SYN2: variants seen among roughly 807,000 people sequenced by gnomAD.
SYN2 encodes the protein synapsin-2.
A neutral mutation model predicts 50.9 loss-of-function variants in SYN2; 19 were observed. That is an observed-to-expected ratio of 0.37 (90% CI 0.26 to 0.55). The LOEUF is 0.55. Among genes scored for constraint, SYN2 ranks in the 20% least tolerant of loss-of-function variants. The pLI is 0.81. For missense variants in SYN2, 587 were observed against 576.4 expected, an observed-to-expected ratio of 1.02 and a Z score of -0.19; for synonymous variants, 255 against 224.9, an observed-to-expected ratio of 1.13 and a Z score of -1.20.
chr3:12,026,859 C>G (rs1694271470), intron 1 of SYN2, among the ~76,000 whole-genome samples: 1 of 152,276 alleles, frequency 6.6e-6, no homozygotes, highest in East Asian at 1.9e-4. Context: ...AACTCAGGAC[C>G]CTGATCCACA....
chr3:12,173,687 A>G (rs1697988564), intron 10 of SYN2, among the ~76,000 whole-genome samples: 1 of 152,114 alleles, frequency 6.6e-6, no homozygotes, highest in African/African-American at 2.4e-5. Flanking sequence ...AGGCCGAGGC[A>G]GGTAGATCAC....
At chr3:12,052,863 G>A (rs1419488990) in intron 1 of SYN2, among the ~76,000 whole-genome samples, 2 of 152,306 alleles carry the variant, frequency 1.3e-5, no homozygotes, top group Admixed American at 6.5e-5. Flanking sequence ...TAAGTTAGGA[G>A]ATTTGAACTC....
intron 5 of SYN2, chr3:12,153,765 A>T (rs1318285505): frequency 1.9e-5 from 31 of 1,592,704 alleles, no homozygotes; most frequent in Non-Finnish European, 2.6e-5. Flanking sequence ...TTCTTTTTCC[A>T]TTGCTGCCTT....
In SYN2 at chr3:12,158,710, G is replaced by A. The variant is rs201048395; in HGVS notation, c.775-2836G>A. The A allele has an allele frequency of 1.7e-4, 280 of 1,610,144 alleles. 1 individual carries two copies. Among genetic ancestry groups the A allele is most frequent in the Non-Finnish European group, 2.2e-4 (255 of 1,179,710 alleles). On this transcript the variant is annotated intron_variant, in intron 5 of 12. Transcript: ENST00000621198. ...GCGGACCTCGGACTCACCAAGTGCC[G>A]AGTGGCAGATGTGCTGCTGAGGGTG...
In SYN2 at chr3:12,191,878, A is replaced by C. The variant is rs868505304; in HGVS notation, c.*1253A>C. On this transcript the variant is annotated 3_prime_UTR_variant, in exon 13 of 13. Transcript: ENST00000621198. ...CCACAGATCTCAACGAAGGCATCCT[A>C]AAGAGGCCTGCAATTGAGGGTGGGC... 1.3e-5 allele frequency among the ~76,000 whole-genome samples: 2 copies of C among 152,270 alleles called. No homozygotes were observed. Among genetic ancestry groups the C allele is most frequent in the South Asian group, 2.1e-4 (1 of 4,826 alleles).
At chr3:12,117,704 T>A (rs1423723206) in intron 1 of SYN2, among the ~76,000 whole-genome samples, 1 of 152,186 alleles carries the variant, frequency 6.6e-6, no homozygotes, top group African/African-American at 2.4e-5. Flanking sequence ...GGGGTTGCAG[T>A]TAGAGTTGTC....
At chr3:12,074,882 G>C (rs1267506134) in intron 1 of SYN2, among the ~76,000 whole-genome samples, 1 of 152,076 alleles carries the variant, frequency 6.6e-6, no homozygotes, top group Non-Finnish European at 1.5e-5. Context: ...TTCTCAAGAG[G>C]TGCAGCTTTG....
At chr3:12,163,461 C>A (rs1697706760) in intron 7 of SYN2, among the ~76,000 whole-genome samples, 2 of 151,682 alleles carry the variant, frequency 1.3e-5, no homozygotes, top group East Asian at 3.9e-4. Context: ...TAGGCCCCCT[C>A]CCTGCACTCC....
intron 1 of SYN2, among the ~76,000 whole-genome samples, chr3:12,005,575 A>AT (rs34618576): frequency 3.3e-4 from 45 of 136,386 alleles, no homozygotes; most frequent in African/African-American, 5.4e-4. Flanking sequence ...GACGTGTGGA[A>AT]TTTTTTTTTT....
intron 4 of SYN2, among the ~76,000 whole-genome samples, chr3:12,150,633 C>A (rs957889780): frequency 2.6e-5 from 4 of 152,130 alleles, no homozygotes; most frequent in African/African-American, 9.7e-5. Context: ...AAGTTCAGTC[C>A]CTCGTTAGGT....
At chr3:12,124,651 G>A (rs956735420) in intron 1 of SYN2, among the ~76,000 whole-genome samples, 2 of 152,080 alleles carry the variant, frequency 1.3e-5, no homozygotes, top group Non-Finnish European at 2.9e-5. Flanking sequence ...ATACATGTCA[G>A]AAATATAACA....
intron 11 of SYN2, chr3:12,185,417 C>G: frequency 1.0e-6 from 1 of 985,758 alleles, no homozygotes; most frequent in African/African-American, 1.7e-5. Flanking sequence ...TGGTGTCAGT[C>G]AAGGTCTTTC....
chr3:12,138,570 C>T (rs532550356), intron 1 of SYN2, among the ~76,000 whole-genome samples: 5 of 152,302 alleles, frequency 3.3e-5, no homozygotes, highest in African/African-American at 1.2e-4. Context: ...CTGATTTGGG[C>T]ATGTTATTTA....
chr3:12,008,319 G>A (rs1184093194), intron 1 of SYN2, among the ~76,000 whole-genome samples: 2 of 152,146 alleles, frequency 1.3e-5, no homozygotes, highest in Non-Finnish European at 2.9e-5. Flanking sequence ...TATTTATGAA[G>A]CACCTTCTCT....
intron 1 of SYN2, among the ~76,000 whole-genome samples, chr3:12,107,319 C>G (rs1390289889): frequency 6.6e-6 from 1 of 152,154 alleles, no homozygotes. Flanking sequence ...CTGGGACTAT[C>G]TAATGCTAAT....
intron 12 of SYN2, among the ~76,000 whole-genome samples, chr3:12,190,203 C>T (rs770022368): frequency 6.6e-6 from 1 of 152,188 alleles, no homozygotes; most frequent in Non-Finnish European, 1.5e-5. Context: ...ATTAAAGAAG[C>T]GGCCTTTGAG....
At chr3:12,097,204 A>G (rs1285972160) in intron 1 of SYN2, among the ~76,000 whole-genome samples, 6 of 152,322 alleles carry the variant, frequency 3.9e-5, no homozygotes. Flanking sequence ...ATGCTGCTAT[A>G]AAGACACATG....
At chr3:12,157,238 C>G in intron 5 of SYN2, 1 of 750,358 alleles carries the variant, frequency 1.3e-6, no homozygotes, top group Non-Finnish European at 2.2e-6. Flanking sequence ...TGGGCTCTGC[C>G]TCCAAATCTC....
intron 11 of SYN2, among the ~76,000 whole-genome samples, chr3:12,186,803 A>G (rs1698349724): frequency 6.6e-6 from 1 of 152,172 alleles, no homozygotes; most frequent in South Asian, 2.1e-4. Flanking sequence ...AACTTGCTCA[A>G]CCCTATTATC....
Sources: allele counts gnomAD v4.1 joint callset (sites outside exome capture counted in the v4.1 genomes callset), GRCh38; gene constraint gnomAD v4.1.1; transcripts MANE v1.5; gene names NCBI Gene and HGNC (gene_info 2026-07-23, HGNC 2026-07-21).